Variants in UVSSA observed in about 807,000 individuals in gnomAD.
UVSSA encodes the protein UV-stimulated scaffold protein A.
In UVSSA, 72 loss-of-function variants were observed where a neutral mutation model predicts 73.9. The observed-to-expected ratio is 0.97, with a 90% CI of 0.81 to 1.19. The LOEUF is 1.19. Ranked by LOEUF, UVSSA falls within the 50% of genes most tolerant of loss-of-function variation. The probability of loss-of-function intolerance (pLI) is 0.00; values close to 1 mark genes in which losing one functional copy is unlikely to be tolerated. For missense variants in UVSSA, 1,150 were observed against 965.0 expected, an observed-to-expected ratio of 1.19 and a Z score of -2.54; for synonymous variants, 454 against 391.3, an observed-to-expected ratio of 1.16 and a Z score of -1.89.
At chr4:1,393,413 G>C (rs764005534) in exon 14 of UVSSA, 1 of 152,124 alleles carries the variant, frequency 6.6e-6, no homozygotes, top group Non-Finnish European at 1.5e-5. Context: ...GTCTAAGCCG[G>C]GCGTGGTGGT....
rs1362834693 is a variant in UVSSA, at chr4:1,386,118, G to A, written c.*157G>A. 6.5e-6 allele frequency: 5 copies of A among 773,954 alleles called. No homozygotes were observed. Among genetic ancestry groups the A allele is most frequent in the African/African-American group, 3.4e-5 (2 of 58,490 alleles). The allele number at this position is 773,954 out of a possible 1,614,324, so 47.9% of individuals were successfully genotyped here. ...GTTGCAATGCCCTGAAGGTACGGCCGCTCTGCTGCTACAGGGTTCGGCATC... is the reference window on the plus strand; with the variant it reads ...GTTGCAATGCCCTGAAGGTACGGCCACTCTGCTGCTACAGGGTTCGGCATC... On this transcript the variant is annotated 3_prime_UTR_variant, in exon 14 of 14. Transcript: ENST00000389851.
At chr4:1,349,951 A>G (rs1305704618) in intron 3 of UVSSA, 97 bp downstream of exon 3, 2 of 1,183,644 alleles carry the variant, frequency 1.7e-6, no homozygotes, top group Admixed American at 2.9e-5. Context: ...TGAACCTAGC[A>G]CAGCAGGGGC....
Position 1,349,697 on chromosome 4 carries a change from T to A in UVSSA, c.272T>A (p.Leu91Gln). 6.2e-7 allele frequency: 1 copy of A among 1,613,958 alleles called. No individual in the cohort carries two copies. The highest frequency in any genetic ancestry group is 8.5e-7 in the Non-Finnish European group (1 of 1,179,970). ...TTCCAGGAGTTCCTGGAGCTCACGC[T>A]GGGCACAGACCCCGCACAGCCTCTG... Reference protein sequence around the residue: ...SNFQEFLELTLGTDPAQPLPP... With the variant: ...SNFQEFLELTQGTDPAQPLPP... Residue 91 changes from leucine to glutamine, a missense_variant, in exon 3 of 14, where the codon CTG (leucine) becomes CAG (glutamine). Coordinates refer to ENST00000389851, the MANE Select transcript of UVSSA (RefSeq NM_020894.4).
Position 1,375,408 on chromosome 4 carries a change from CGGACGAGGACGAGGAT to C in UVSSA, c.1343_1358del (p.Thr448ArgfsTer131). On this transcript the variant is annotated frameshift_variant, in exon 9 of 14. Coordinates refer to ENST00000389851, the MANE Select transcript of UVSSA (RefSeq NM_020894.4). LOFTEE classifies it high-confidence loss of function. ...GAAAGACACAGTTGTGCGGTGCTTG[CGGACGAGGACGAGGAT>C]GGACGAGGAGGTGTCGGACCCCACC... The C allele has an allele frequency of 6.2e-7, 1 of 1,613,546 alleles. No homozygotes were observed. The highest frequency in any genetic ancestry group is 8.5e-7 in the Non-Finnish European group (1 of 1,180,016).
chr4:1,394,014 T>TC (rs1445351268), exon 14 of UVSSA: 6 of 229,966 alleles, frequency 2.6e-5, no homozygotes, highest in South Asian at 2.5e-4. Context: ...CCTTCAGCGC[T>TC]CCATCGCGGT....
intron 7 of UVSSA, among the ~76,000 whole-genome samples, chr4:1,356,067 G>A (rs529974229): frequency 3.9e-5 from 6 of 152,266 alleles, no homozygotes; most frequent in African/African-American, 1.4e-4. Context: ...AGCTCCCACA[G>A]CAGTGCTGTC....
At chr4:1,380,858 C>T in intron 11 of UVSSA, 22 bp from the exon 12 acceptor site, 3 of 1,606,052 alleles carry the variant, frequency 1.9e-6, no homozygotes, top group Non-Finnish European at 1.7e-6. Flanking sequence ...CCGCCATCAG[C>T]CACCGTGTCC....
chr4:1,375,161 G>T, intron 8 of UVSSA: 2 of 761,934 alleles, frequency 2.6e-6, no homozygotes, highest in Non-Finnish European at 4.2e-6. Context: ...CCCGACGCAC[G>T]CCATGTTCTG....
upstream of UVSSA, among the ~76,000 whole-genome samples, chr4:1,343,371 C>T (rs1713499816): frequency 6.6e-6 from 1 of 152,106 alleles, no homozygotes; most frequent in Non-Finnish European, 1.5e-5. Context: ...TCTTTAAAGG[C>T]CTCATCTCCA....
chr4:1,343,680 G>C (rs980626385), upstream of UVSSA, among the ~76,000 whole-genome samples: 28 of 152,110 alleles, frequency 1.8e-4, no homozygotes, highest in Admixed American at 9.2e-4. Flanking sequence ...CCAGCTACTC[G>C]GGAGGCTGAG....
At chr4:1,394,621 C>T (rs1720479349) in exon 14 of UVSSA, 1 of 1,421,470 alleles carries the variant, frequency 7.0e-7, no homozygotes, top group Non-Finnish European at 9.4e-7. Context: ...CCTGCTCACA[C>T]ATGTCGATGC....
intron 7 of UVSSA, among the ~76,000 whole-genome samples, chr4:1,362,962 C>T (rs76314242): frequency 0.015 from 2,340 of 152,340 alleles, 70 homozygotes; most frequent in African/African-American, 0.051. Flanking sequence ...GTGTGCCCAG[C>T]AGCAGATGTT....
At chr4:1,394,723 A>C (rs546507668) in exon 14 of UVSSA, 1 of 1,425,414 alleles carries the variant, frequency 7.0e-7, no homozygotes, top group African/African-American at 1.7e-5. Flanking sequence ...ACACGTGTCC[A>C]TGTGGAGTGC....
At chr4:1,355,688 G>T (rs1715620990) in intron 7 of UVSSA, among the ~76,000 whole-genome samples, 1 of 152,238 alleles carries the variant, frequency 6.6e-6, no homozygotes, top group Admixed American at 6.5e-5. Flanking sequence ...TGAAGACTTG[G>T]GTTACTGTCT....
At chr4:1,365,469 GC>G (rs1306835106) in intron 7 of UVSSA, among the ~76,000 whole-genome samples, 2 of 152,192 alleles carry the variant, frequency 1.3e-5, no homozygotes, top group Non-Finnish European at 2.9e-5. Context: ...CAAGGAACTG[GC>G]TTTTCTCAGG....
At chr4:1,347,079 G>C (rs1219365013), upstream of UVSSA, among the ~76,000 whole-genome samples, 1 of 152,048 alleles carries the variant, frequency 6.6e-6, no homozygotes, top group African/African-American at 2.4e-5. Context: ...AGGCCGCGTC[G>C]AGCGGTAGGT....
chr4:1,370,076 A>C (rs944794642), intron 8 of UVSSA, among the ~76,000 whole-genome samples: 1 of 152,226 alleles, frequency 6.6e-6, no homozygotes, highest in African/African-American at 2.4e-5. Context: ...TAGTGCCCTA[A>C]GTATTTACCC....
intron 10 of UVSSA, among the ~76,000 whole-genome samples, chr4:1,379,787 C>CCTTTTGCCTGG (rs1560481589): frequency 5.2e-5 from 1 of 19,366 alleles, no homozygotes; most frequent in African/African-American, 2.3e-4. Context: ...CGCAGGCGGT[C>CCTTTTGCCTGG]GTGCCCGTGG....
At chr4:1,372,017 T>C (rs1014393544) in intron 8 of UVSSA, among the ~76,000 whole-genome samples, 3 of 152,216 alleles carry the variant, frequency 2.0e-5, no homozygotes, top group African/African-American at 7.2e-5. Context: ...GAGACTGCAT[T>C]TGTAAGTTAC....
Sources: allele counts gnomAD v4.1 joint callset (sites outside exome capture counted in the v4.1 genomes callset), GRCh38; gene constraint gnomAD v4.1.1; transcripts MANE v1.5; gene names NCBI Gene and HGNC (gene_info 2026-07-23, HGNC 2026-07-21).